CNTN1: variants seen among roughly 807,000 people sequenced by gnomAD.
CNTN1 encodes contactin-1.
A neutral mutation model predicts 126.4 loss-of-function variants in CNTN1; 38 were observed. The observed-to-expected ratio is 0.30, with a 90% CI of 0.23 to 0.39. The LOEUF (loss-of-function observed/expected upper bound fraction) is 0.39. CNTN1 is among the 10% of genes least tolerant of loss of function. The pLI, the probability that CNTN1 is intolerant of heterozygous loss-of-function variation, is 1.00. For synonymous variants in CNTN1, 413 were observed against 422.6 expected (o/e 0.98, Z 0.28); for missense variants, 1,009 against 1,248.4 (o/e 0.81, Z 2.89).
intron 18 of CNTN1, 99 bp from the exon 19 acceptor site, chr12:41,016,583 T>C (rs760595643): frequency 2.4e-5 from 19 of 776,224 alleles, no homozygotes; most frequent in Non-Finnish European, 4.3e-5. Flanking sequence ...TGTATGTTTT[T>C]ACAAAGAGCA....
intron 23 of CNTN1, among the ~76,000 whole-genome samples, chr12:41,043,505 GC>G (rs1179798419): frequency 4.6e-5 from 7 of 152,176 alleles, no homozygotes; most frequent in African/African-American, 1.7e-4. Context: ...AACAACAGGT[GC>G]TGGAGAGGAT....
intron 1 of CNTN1, among the ~76,000 whole-genome samples, chr12:40,715,068 C>T (rs1438046639): frequency 6.6e-6 from 1 of 152,108 alleles, no homozygotes; most frequent in Admixed American, 6.6e-5. Context: ...GGATTAAGAA[C>T]TGAATTTCGT....
intron 14 of CNTN1, among the ~76,000 whole-genome samples, chr12:40,948,352 CAA>C (rs202160837): frequency 1.7e-4 from 18 of 105,522 alleles, no homozygotes; most frequent in South Asian, 3.0e-4. Flanking sequence ...AGACTGAGAC[CAA>C]AAAAAAAAAA....
intron 1 of CNTN1, among the ~76,000 whole-genome samples, chr12:40,701,462 A>C (rs1230275323): frequency 1.3e-5 from 2 of 152,148 alleles, no homozygotes; most frequent in East Asian, 3.9e-4. Flanking sequence ...CATGGTTACT[A>C]AAAGTACAGA....
chr12:41,005,229 C>G (rs1948460098), intron 17 of CNTN1: 1 of 152,122 alleles, frequency 6.6e-6, no homozygotes, highest in Non-Finnish European at 1.5e-5. Context: ...TTTGGAATTT[C>G]TTTTCTGTAA....
chr12:40,772,737 T>G (rs141977738), intron 1 of CNTN1, among the ~76,000 whole-genome samples: 3 of 151,938 alleles, frequency 2.0e-5, no homozygotes, highest in African/African-American at 7.2e-5. Context: ...TAAGAATGTT[T>G]CTCTGGAATC....
At chr12:40,874,386 T>G (rs1386861409) in intron 1 of CNTN1, among the ~76,000 whole-genome samples, 2 of 152,150 alleles carry the variant, frequency 1.3e-5, no homozygotes, top group Non-Finnish European at 1.5e-5. Context: ...GATAGAACAT[T>G]ATAAACACAA....
At chr12:40,977,864 G>A (rs958772200) in intron 15 of CNTN1, among the ~76,000 whole-genome samples, 9 of 151,662 alleles carry the variant, frequency 5.9e-5, no homozygotes, top group East Asian at 1.9e-4. Flanking sequence ...GTGCAGTGGC[G>A]CAATCTTGGC....
intron 1 of CNTN1, among the ~76,000 whole-genome samples, chr12:40,757,755 A>G (rs571641550): frequency 1.3e-5 from 2 of 152,264 alleles, no homozygotes; most frequent in African/African-American, 4.8e-5. Context: ...CATGAATTGA[A>G]AATCTCATTG....
intron 1 of CNTN1, among the ~76,000 whole-genome samples, chr12:40,838,728 G>T (rs1942164331): frequency 6.6e-6 from 1 of 152,094 alleles, no homozygotes; most frequent in Non-Finnish European, 1.5e-5. Context: ...CAAAGTCAAA[G>T]TACCCTACCC....
chr12:41,000,875 C>T (rs556061198), intron 17 of CNTN1, among the ~76,000 whole-genome samples: 2 of 152,296 alleles, frequency 1.3e-5, no homozygotes, highest in South Asian at 4.1e-4. Context: ...TAAGTGAGAG[C>T]ATGCAGTATT....
At chr12:41,010,192 G>A (rs1424816481) in intron 17 of CNTN1, among the ~76,000 whole-genome samples, 1 of 152,142 alleles carries the variant, frequency 6.6e-6, no homozygotes. Flanking sequence ...CTCCTGTGCT[G>A]TATGTTGGTT....
intron 1 of CNTN1, among the ~76,000 whole-genome samples, chr12:40,901,243 T>C (rs1380496320): frequency 6.6e-6 from 1 of 152,224 alleles, no homozygotes; most frequent in Non-Finnish European, 1.5e-5. Context: ...GTTTTAGTAG[T>C]TTTTTAAAAA....
intron 23 of CNTN1, among the ~76,000 whole-genome samples, chr12:41,041,862 A>G (rs1451490359): frequency 6.6e-6 from 1 of 152,014 alleles, no homozygotes; most frequent in Non-Finnish European, 1.5e-5. Context: ...CTTTCAAAAA[A>G]CTAGCTCCTG....
intron 1 of CNTN1, among the ~76,000 whole-genome samples, chr12:40,818,615 T>C (rs1401087147): frequency 1.3e-5 from 2 of 152,214 alleles, no homozygotes; most frequent in Admixed American, 6.5e-5. Context: ...GGTTAGAACA[T>C]GCTCCTTTAG....
chr12:41,012,985 G>A (rs1948698135), intron 17 of CNTN1, among the ~76,000 whole-genome samples: 1 of 152,116 alleles, frequency 6.6e-6, no homozygotes, highest in Non-Finnish European at 1.5e-5. Context: ...TTAATAGGCA[G>A]AAGAGAAGTG....
rs983819106 is a variant in CNTN1 at position 40,942,711 on chromosome 12, A to G, written c.1380-886A>G. Among the ~76,000 whole-genome samples, 9 of 152,240 alleles carry G rather than the reference A, an allele frequency of 5.9e-5. No individual in the cohort carries two copies. The South Asian group carries it at 1.2e-3, about 21-fold the overall frequency. On this transcript the variant is annotated intron_variant, in intron 12 of 23. Transcript: ENST00000551295. ...ACTTTTATCATTATATTATTTTGAT[A>G]CTTCATTTCTCCTTCAACAACAAAA... is the stretch of plus-strand genomic sequence containing the variant.
chr12:40,794,869 C>T (rs901626935), intron 1 of CNTN1, among the ~76,000 whole-genome samples: 2 of 151,966 alleles, frequency 1.3e-5, no homozygotes, highest in African/African-American at 4.8e-5. Flanking sequence ...CCATTGCACA[C>T]TATGAGAGAA....
At chr12:40,793,443 C>A (rs1940294423) in intron 1 of CNTN1, among the ~76,000 whole-genome samples, 1 of 138,684 alleles carries the variant, frequency 7.2e-6, no homozygotes, top group Non-Finnish European at 1.6e-5. Context: ...ACATTTTGTC[C>A]CCGTCAGCAC....
Sources: allele counts gnomAD v4.1 joint callset (sites outside exome capture counted in the v4.1 genomes callset), GRCh38; gene constraint gnomAD v4.1.1; transcripts MANE v1.5; gene names NCBI Gene and HGNC (gene_info 2026-07-23, HGNC 2026-07-21).